Variants in GPHN observed in about 807,000 individuals in gnomAD.
GPHN encodes gephyrin.
Under a neutral mutation model 95.5 loss-of-function variants are expected in GPHN, and 17 were observed. That is an observed-to-expected ratio of 0.18 (90% CI 0.12 to 0.27). GPHN has a LOEUF of 0.27. Ranked by LOEUF, GPHN falls within the 10% of genes least tolerant of loss-of-function variation. GPHN has a pLI of 1.00. For missense variants in GPHN, 660 were observed against 978.1 expected, an observed-to-expected ratio of 0.67 and a Z score of 4.34; for synonymous variants, 320 against 322.5, an observed-to-expected ratio of 0.99 and a Z score of 0.08.
chr14:67,366,841 G>A, the GPHN span, among the ~76,000 whole-genome samples: 1 of 152,150 alleles, frequency 6.6e-6, no homozygotes, highest in Admixed American at 6.5e-5. Flanking sequence ...TATAAGAAAG[G>A]GTATGTTTTC....
At chr14:66,991,290 A>G (rs2071402210) in intron 9 of GPHN, among the ~76,000 whole-genome samples, 1 of 152,162 alleles carries the variant, frequency 6.6e-6, no homozygotes, top group African/African-American at 2.4e-5. Flanking sequence ...TACCTTAATG[A>G]CTACAAAAAT....
At chr14:67,212,702 C>G in the GPHN span, among the ~76,000 whole-genome samples, 4 of 133,566 alleles carry the variant, frequency 3.0e-5, no homozygotes, top group African/African-American at 1.1e-4. Context: ...ACAAAAATAT[C>G]TTATTCAACT....
chr14:67,352,514 T>C, the GPHN span, among the ~76,000 whole-genome samples: 1 of 152,038 alleles, frequency 6.6e-6, no homozygotes, highest in South Asian at 2.1e-4. Flanking sequence ...TAAGGAATTG[T>C]GAGAGAAGCA....
intron 1 of GPHN, among the ~76,000 whole-genome samples, chr14:66,511,260 G>T (rs1472818121): frequency 6.6e-6 from 1 of 152,084 alleles, no homozygotes; most frequent in Non-Finnish European, 1.5e-5. Flanking sequence ...AGAACTTGAG[G>T]TTTTGCAGTT....
chr14:67,576,494 G>A, the GPHN span: 1 of 1,563,684 alleles, frequency 6.4e-7, no homozygotes, highest in South Asian at 1.1e-5. This position sits in a 1 kb window ranked among gnomAD's most constrained non-coding sequence, Gnocchi z 4.0. Flanking sequence ...GGATGGTGAA[G>A]GAGATCCAGG....
chr14:67,725,106 A>G, the GPHN span: 4 of 1,614,020 alleles, frequency 2.5e-6, no homozygotes, highest in Non-Finnish European at 3.4e-6. Flanking sequence ...CAGGAGCCCG[A>G]GTCTATATTG....
intron 8 of GPHN, among the ~76,000 whole-genome samples, chr14:66,925,163 A>T (rs917311547): frequency 1.1e-4 from 17 of 152,254 alleles, no homozygotes; most frequent in Non-Finnish European, 2.2e-4. Flanking sequence ...ATAGTAGTGG[A>T]TATATTTATG....
chr14:67,585,703 G>A, the GPHN span: 5 of 1,335,740 alleles, frequency 3.7e-6, no homozygotes, highest in South Asian at 5.1e-5. Flanking sequence ...TCCTCAACAT[G>A]GTCTTTTCTT....
At chr14:66,683,651 G>A (rs1333704141) in intron 2 of GPHN, among the ~76,000 whole-genome samples, 1 of 147,452 alleles carries the variant, frequency 6.8e-6, no homozygotes, top group African/African-American at 2.5e-5. Flanking sequence ...CATTGAATAG[G>A]AAGTATATCA....
chr14:66,867,413 CTCTT>C (rs2153525525), intron 4 of GPHN, among the ~76,000 whole-genome samples: 1 of 152,240 alleles, frequency 6.6e-6, no homozygotes, highest in South Asian at 2.1e-4. Flanking sequence ...AATAATGTGA[CTCTT>C]ACTTCCGTTC....
chr14:67,059,775 T>C (rs1315721902), intron 11 of GPHN, among the ~76,000 whole-genome samples: 1 of 152,212 alleles, frequency 6.6e-6, no homozygotes, highest in Non-Finnish European at 1.5e-5. Flanking sequence ...AGGATTGTTA[T>C]TATACAGTTT....
chr14:67,415,617 C>T, the GPHN span, among the ~76,000 whole-genome samples: 1 of 152,174 alleles, frequency 6.6e-6, no homozygotes, highest in Admixed American at 6.5e-5. Context: ...GCGTCTACGC[C>T]AGCATTCAGT....
intron 2 of GPHN, among the ~76,000 whole-genome samples, chr14:66,696,171 T>A (rs2068086839): frequency 6.6e-6 from 1 of 152,216 alleles, no homozygotes; most frequent in African/African-American, 2.4e-5. Context: ...TGAATTTCTT[T>A]TTCCTTTAAA....
the GPHN span, among the ~76,000 whole-genome samples, chr14:67,716,881 CAA>C: frequency 0.014 from 1,220 of 85,234 alleles, 34 homozygotes; most frequent in East Asian, 0.16. Context: ...GAGTCTCTGT[CAA>C]AAAAAAAAAA....
chr14:66,813,999 C>G (rs1294375839), intron 3 of GPHN, among the ~76,000 whole-genome samples: 2 of 152,164 alleles, frequency 1.3e-5, no homozygotes, highest in Non-Finnish European at 2.9e-5. Flanking sequence ...TGCAGCTTTC[C>G]TAGACCCATG....
intron 5 of GPHN, among the ~76,000 whole-genome samples, chr14:66,893,247 C>T (rs1221786593): frequency 3.3e-5 from 5 of 152,144 alleles, no homozygotes; most frequent in South Asian, 2.1e-4. Context: ...GCGTGAGTAA[C>T]GCAGAAGACA....
chr14:67,346,015 A>G, the GPHN span: 5 of 623,892 alleles, frequency 8.0e-6, no homozygotes, highest in Non-Finnish European at 1.4e-5. Context: ...TGAAGTGCCT[A>G]TCTCACTCCC....
chr14:67,605,087 A>G, the GPHN span, among the ~76,000 whole-genome samples: 1 of 152,162 alleles, frequency 6.6e-6, no homozygotes, highest in Non-Finnish European at 1.5e-5. Flanking sequence ...TGTATTGGCT[A>G]TTATAGGGTT....
chr14:67,279,688 A>AT, the GPHN span: 2 of 689,292 alleles, frequency 2.9e-6, no homozygotes, highest in Middle Eastern at 4.3e-4. Flanking sequence ...GAAACGCCGT[A>AT]TAACTATTGT....
Sources: allele counts gnomAD v4.1 joint callset (sites outside exome capture counted in the v4.1 genomes callset), GRCh38; gene constraint gnomAD v4.1.1; non-coding constraint Gnocchi (gnomAD v3.1); transcripts MANE v1.5; gene names NCBI Gene and HGNC (gene_info 2026-07-23, HGNC 2026-07-21).